UNC13C: variants seen among roughly 807,000 people sequenced by gnomAD.
UNC13C encodes the protein unc-13 homolog C.
UNC13C carries 174 observed loss-of-function variants against 245.4 expected under a neutral mutation model. That is an observed-to-expected ratio of 0.71 (90% CI 0.63 to 0.80). UNC13C has a LOEUF of 0.80. UNC13C is among the 30% of genes least tolerant of loss of function. The pLI is 0.00. For missense variants in UNC13C, 2,829 were observed against 2,602.9 expected (o/e 1.09, Z -1.89); for synonymous variants, 992 against 895.1 (o/e 1.11, Z -1.93).
intron 8 of UNC13C, among the ~76,000 whole-genome samples, chr15:54,250,749 CTTTT>C (rs1296024773): frequency 1.6e-4 from 14 of 88,864 alleles, no homozygotes; most frequent in South Asian, 4.1e-4. Context: ...TTCTTTCTTT[CTTTT>C]TTTTTTTTTT....
rs762227584 is a variant in UNC13C, at chr15:54,074,212, C to G, written c.2983+58326C>G. ...TAGTTGTGTGGTATTATTTCTGAGG[C>G]CTCTGTTCTGTTCCATTGGTCTATA... On this transcript the variant is annotated intron_variant, in intron 2 of 32. Transcript: ENST00000260323. Among the ~76,000 whole-genome samples the G allele has an allele frequency of 2.7e-5, 4 of 149,924 alleles. No individual in the cohort carries two copies. The East Asian group carries it at 7.7e-4, about 29-fold the overall frequency.
chr15:53,932,275 C>T, the UNC13C span, among the ~76,000 whole-genome samples: 1 of 151,460 alleles, frequency 6.6e-6, no homozygotes. Flanking sequence ...CACCACAGCA[C>T]TCCAGCCTGG....
At chr15:53,993,725 C>T (rs952733556) in intron 1 of UNC13C, among the ~76,000 whole-genome samples, 1 of 151,952 alleles carries the variant, frequency 6.6e-6, no homozygotes, top group Admixed American at 6.6e-5. Flanking sequence ...TAATCTGCAA[C>T]GTTTTAGAAA....
At position 54,500,126 on chromosome 15, in the gene UNC13C, T is replaced by G; in HGVS notation, c.5108T>G (p.Val1703Gly). The G allele has an allele frequency of 6.2e-7, 1 of 1,611,478 alleles. No individual in the cohort carries two copies. Among genetic ancestry groups the G allele is most frequent in the Non-Finnish European group, 8.5e-7 (1 of 1,179,080 alleles). The change falls in exon 21 of 33, where the codon GTG becomes GGG. Residue 1703 changes from valine (V) to glycine (G), a missense_variant. Val to Gly is a moderately radical substitution (Grantham distance 109, BLOSUM62 -3). Transcript: ENST00000260323. ...CAATGGCTAGATGAAAACGAAGATG[T>G]GTCAATGGAATTCCTTCATGGAGCA... ...VMQWLDENED[V>G]SMEFLHGALG...
chr15:53,938,314 A>G, the UNC13C span, among the ~76,000 whole-genome samples: 3 of 152,246 alleles, frequency 2.0e-5, no homozygotes, highest in African/African-American at 7.2e-5. Context: ...CAATTCAACA[A>G]GAAGAGCTAA....
the UNC13C span, among the ~76,000 whole-genome samples, chr15:53,963,140 G>A: frequency 3.3e-5 from 5 of 152,116 alleles, no homozygotes; most frequent in African/African-American, 4.8e-5. Flanking sequence ...AGCAGAGGGC[G>A]AGCATTAGCC....
chr15:54,005,803 C>T (rs1003847175), intron 1 of UNC13C, among the ~76,000 whole-genome samples: 2 of 152,092 alleles, frequency 1.3e-5, no homozygotes, highest in South Asian at 2.1e-4. Flanking sequence ...GAAGAATACA[C>T]GTGTGCATCC....
chr15:54,629,718 G>A (rs1201417988), downstream of UNC13C: 2 of 150,336 alleles, frequency 1.3e-5, no homozygotes, highest in Non-Finnish European at 3.0e-5. Flanking sequence ...ACATATTAAT[G>A]TCATAATACA....
At chr15:54,347,156 G>A (rs1192194264) in intron 17 of UNC13C, among the ~76,000 whole-genome samples, 2 of 152,124 alleles carry the variant, frequency 1.3e-5, no homozygotes, top group South Asian at 2.1e-4. Flanking sequence ...GAATGAGGAG[G>A]ATAGATAAGA....
intron 2 of UNC13C, among the ~76,000 whole-genome samples, chr15:54,117,746 T>A (rs1237332357): frequency 6.6e-6 from 1 of 151,996 alleles, no homozygotes; most frequent in Non-Finnish European, 1.5e-5. Flanking sequence ...AGTGCAGCTA[T>A]TTTTTGCATT....
chr15:54,043,294 A>G (rs1225520196), intron 2 of UNC13C, among the ~76,000 whole-genome samples: 2 of 152,248 alleles, frequency 1.3e-5, no homozygotes, highest in East Asian at 3.8e-4. Context: ...AATTTGGGCA[A>G]CATTTACACT....
chr15:54,346,170 T>C (rs1328116825), intron 17 of UNC13C, among the ~76,000 whole-genome samples: 1 of 152,114 alleles, frequency 6.6e-6, no homozygotes, highest in African/African-American at 2.4e-5. Context: ...GTATTCCCAG[T>C]GCCTGGTGGT....
At chr15:54,430,910 A>G (rs1348281612) in intron 19 of UNC13C, among the ~76,000 whole-genome samples, 1 of 151,732 alleles carries the variant, frequency 6.6e-6, no homozygotes. Flanking sequence ...TTGCCTCCTT[A>G]GTGATCCAAG....
chr15:54,132,118 G>C (rs929477775), intron 2 of UNC13C, among the ~76,000 whole-genome samples: 2 of 127,978 alleles, frequency 1.6e-5, no homozygotes, highest in African/African-American at 6.5e-5. Context: ...CCAGGCTGGA[G>C]TGCAGTGGCA....
chr15:54,290,818 A>G (rs977946015), intron 10 of UNC13C, among the ~76,000 whole-genome samples: 2 of 152,030 alleles, frequency 1.3e-5, no homozygotes, highest in African/African-American at 2.4e-5. Flanking sequence ...ACCAATCTTT[A>G]TTATCTAGAG....
At chr15:54,513,428 A>G (rs1013046853) in intron 24 of UNC13C, among the ~76,000 whole-genome samples, 12 of 152,198 alleles carry the variant, frequency 7.9e-5, no homozygotes, top group African/African-American at 2.9e-4. Context: ...GAATTTAACC[A>G]GATAAATCAG....
At chr15:54,468,719 G>A (rs1299921477) in intron 19 of UNC13C, among the ~76,000 whole-genome samples, 1 of 151,612 alleles carries the variant, frequency 6.6e-6, no homozygotes, top group African/African-American at 2.4e-5. Context: ...TTTCCCCATT[G>A]TGTGCACTGG....
chr15:54,569,480 T>C (rs1247438007), intron 30 of UNC13C, among the ~76,000 whole-genome samples: 5 of 152,112 alleles, frequency 3.3e-5, no homozygotes, highest in African/African-American at 1.2e-4. Context: ...TCAGTACAGA[T>C]GCAATTTTTA....
At chr15:54,435,319 T>G (rs1302804003) in intron 19 of UNC13C, among the ~76,000 whole-genome samples, 1 of 152,038 alleles carries the variant, frequency 6.6e-6, no homozygotes, top group Non-Finnish European at 1.5e-5. Flanking sequence ...ATCAAAGACT[T>G]GGAACCAACC....
Sources: allele counts gnomAD v4.1 joint callset (sites outside exome capture counted in the v4.1 genomes callset), GRCh38; gene constraint gnomAD v4.1.1; transcripts MANE v1.5; gene names NCBI Gene and HGNC (gene_info 2026-07-23, HGNC 2026-07-21).